The following SLC13A3 variants were observed in gnomAD, a reference collection of about 807,000 sequenced individuals.
SLC13A3 encodes the protein solute carrier family 13 member 3.
A neutral mutation model predicts 59.0 loss-of-function variants in SLC13A3; 40 were observed. The observed-to-expected ratio is 0.68, with a 90% CI of 0.53 to 0.88. SLC13A3 has a LOEUF of 0.88. SLC13A3 is among the 40% of genes least tolerant of loss of function. The pLI, the probability that SLC13A3 is intolerant of heterozygous loss-of-function variation, is 0.00. For synonymous variants in SLC13A3, 317 were observed against 330.3 expected, an observed-to-expected ratio of 0.96 and a Z score of 0.44; for missense variants, 699 against 783.2, an observed-to-expected ratio of 0.89 and a Z score of 1.28.
chr20:46,619,096 T>C (rs1274103402), intron 1 of SLC13A3, among the ~76,000 whole-genome samples: 1 of 152,172 alleles, frequency 6.6e-6, no homozygotes. Flanking sequence ...GCAGTCAAAT[T>C]GTTGTCTCAG....
intron 1 of SLC13A3, among the ~76,000 whole-genome samples, chr20:46,635,687 G>A (rs2062788805): frequency 6.6e-6 from 1 of 152,212 alleles, no homozygotes; most frequent in Non-Finnish European, 1.5e-5. Context: ...GAATGAGGCT[G>A]AGACCTGCTG....
chr20:46,609,455 C>G (rs1282653759), intron 3 of SLC13A3, among the ~76,000 whole-genome samples: 1 of 152,162 alleles, frequency 6.6e-6, no homozygotes, highest in East Asian at 1.9e-4. Flanking sequence ...CTTCACAAAG[C>G]CTCTCTTTCC....
intron 1 of SLC13A3, among the ~76,000 whole-genome samples, chr20:46,683,300 TG>T (rs1284037683): frequency 2.6e-5 from 4 of 152,324 alleles, no homozygotes; most frequent in South Asian, 2.1e-4. Context: ...ATAAGGAAGC[TG>T]GAAGCTTGCA....
rs145749760 is a variant in SLC13A3 at position 46,567,613 on chromosome 20, C to T, written c.1333-1223G>A. ...TGACTCCAGTCCTCCAGGGCAGAGA[C>T]GGGTAGAGAAGTTCACCGAGACTCC... On this transcript the variant is annotated intron_variant, in intron 10 of 12. Transcript: ENST00000279027. 6.7e-5 allele frequency among the ~76,000 whole-genome samples: 10 copies of T among 149,558 alleles called. No individual in the cohort carries two copies. In the East Asian group the frequency reaches 1.0e-3, roughly 15 times the overall value.
intron 1 of SLC13A3, among the ~76,000 whole-genome samples, chr20:46,628,281 T>G (rs1005335903): frequency 5.3e-5 from 8 of 152,122 alleles, no homozygotes; most frequent in African/African-American, 1.9e-4. Context: ...GGTGAGCAGT[T>G]TGCTTTCTTG....
chr20:46,631,525 G>A (rs996104287), intron 1 of SLC13A3, among the ~76,000 whole-genome samples: 21 of 152,138 alleles, frequency 1.4e-4, no homozygotes, highest in Non-Finnish European at 2.2e-4. Context: ...CCATGTGGGC[G>A]AGGCTCACGC....
At chr20:46,608,251 A>C (rs1023898172) in intron 3 of SLC13A3, among the ~76,000 whole-genome samples, 50 of 152,208 alleles carry the variant, frequency 3.3e-4, no homozygotes, top group Non-Finnish European at 1.5e-5. Context: ...CTATGGAAGA[A>C]TATTTCCTGA....
intron 1 of SLC13A3, among the ~76,000 whole-genome samples, chr20:46,649,481 G>A (rs1343949860): frequency 6.6e-6 from 1 of 152,152 alleles, no homozygotes; most frequent in Non-Finnish European, 1.5e-5. Flanking sequence ...AGAAGCTGTC[G>A]GGACCCCTAC....
At chr20:46,606,467 T>C (rs2062438264) in intron 3 of SLC13A3, among the ~76,000 whole-genome samples, 1 of 152,180 alleles carries the variant, frequency 6.6e-6, no homozygotes, top group African/African-American at 2.4e-5. Flanking sequence ...TCCTGGGCCT[T>C]CCTATAAAAT....
At chr20:46,630,208 C>T (rs2062723604) in intron 1 of SLC13A3, among the ~76,000 whole-genome samples, 1 of 152,212 alleles carries the variant, frequency 6.6e-6, no homozygotes, top group African/African-American at 2.4e-5. Context: ...GTTTGTTTGA[C>T]TGACAGAGAG....
chr20:46,670,568 C>G (rs1568965522), upstream of SLC13A3, among the ~76,000 whole-genome samples: 1 of 152,108 alleles, frequency 6.6e-6, no homozygotes, highest in Non-Finnish European at 1.5e-5. Flanking sequence ...AATGTCACAC[C>G]ATAAAGAAGC....
Position 46,566,228 on chromosome 20 carries a change from C to T in SLC13A3, c.1494+1G>A. 1.2e-6 allele frequency: 2 copies of T among 1,613,154 alleles called. No individual in the cohort carries two copies. Among genetic ancestry groups the T allele is most frequent in the South Asian group, 1.1e-5 (1 of 91,054 alleles). ...CCCCTCTTCCCCAGAAGGACCCTCACCAGCTCTGCCAGGACCGGCAGGAAG... is the reference window on the plus strand; with the variant it reads ...CCCCTCTTCCCCAGAAGGACCCTCATCAGCTCTGCCAGGACCGGCAGGAAG... On this transcript the variant is annotated splice_donor_variant, in intron 11 of 12. Transcript: ENST00000279027. LOFTEE classifies it high-confidence loss of function.
At chr20:46,577,382 A>G (rs1354687111) in intron 9 of SLC13A3, among the ~76,000 whole-genome samples, 1 of 152,234 alleles carries the variant, frequency 6.6e-6, no homozygotes, top group Non-Finnish European at 1.5e-5. Context: ...AATGCAACAT[A>G]CACTTAAGCC....
chr20:46,605,373 C>T (rs983531298), intron 3 of SLC13A3, among the ~76,000 whole-genome samples: 15 of 150,122 alleles, frequency 1.0e-4, no homozygotes, highest in Non-Finnish European at 1.8e-4. Flanking sequence ...CCCAAGAGAC[C>T]ACATGGAAAC....
chr20:46,620,603 T>C (rs2045882760), intron 1 of SLC13A3, among the ~76,000 whole-genome samples: 1 of 152,142 alleles, frequency 6.6e-6, no homozygotes, highest in Non-Finnish European at 1.5e-5. Flanking sequence ...AATGGATAAT[T>C]TGTTTTAGAA....
intron 12 of SLC13A3, among the ~76,000 whole-genome samples, chr20:46,561,694 A>G (rs1001692136): frequency 2.0e-5 from 3 of 151,426 alleles, no homozygotes; most frequent in African/African-American, 7.3e-5. Flanking sequence ...GATTTAGTAA[A>G]GGTGTTAAAT....
upstream of SLC13A3, among the ~76,000 whole-genome samples, chr20:46,674,604 C>CGTGTGTGTGTGTGTGTGTGTGT (rs58582046): frequency 7.8e-6 from 1 of 127,882 alleles, no homozygotes; most frequent in African/African-American, 3.2e-5. Context: ...CGCGCGCGCG[C>CGTGTGTGTGTGTGTGTGTGTGT]GTGTGTGTGT....
intron 3 of SLC13A3, chr20:46,600,736 G>A (rs1456522284): frequency 3.9e-6 from 1 of 253,684 alleles, no homozygotes. Context: ...TGTTCTCAGG[G>A]TACTCTGTGA....
At chr20:46,617,949 G>C (rs765924529) in intron 1 of SLC13A3, among the ~76,000 whole-genome samples, 1 of 152,100 alleles carries the variant, frequency 6.6e-6, no homozygotes, top group Non-Finnish European at 1.5e-5. Context: ...AGACCAACAG[G>C]TATCCCAATT....
Sources: allele counts gnomAD v4.1 joint callset (sites outside exome capture counted in the v4.1 genomes callset), GRCh38; gene constraint gnomAD v4.1.1; transcripts MANE v1.5; gene names NCBI Gene and HGNC (gene_info 2026-07-23, HGNC 2026-07-21).